Variants in NXPE4 observed in about 807,000 individuals in gnomAD.
NXPE4 encodes the protein neurexophilin and PC-esterase domain family member 4, also known as NXPE family member 4.
NXPE4 carries 42 observed loss-of-function variants against 33.3 expected under a neutral mutation model. The observed-to-expected ratio is 1.26, with a 90% confidence interval of 0.98 to 1.63. The LOEUF (loss-of-function observed/expected upper bound fraction) is 1.63, where lower values mean the gene tolerates loss of function less well. NXPE4 is among the 40% of genes most tolerant of loss of function. NXPE4 has a pLI of 0.00. For synonymous variants in NXPE4, 253 were observed against 234.9 expected (o/e 1.08, Z -0.71); for missense variants, 709 against 647.6 (o/e 1.09, Z -1.03).
the NXPE4 span, among the ~76,000 whole-genome samples, chr11:114,639,844 A>AAAATATAATATATATTAAAT: frequency 9.1e-6 from 1 of 110,490 alleles, no homozygotes; most frequent in South Asian, 2.6e-4. Context: ...TATTAAATAT[A>AAAATATAATATATATTAAAT]AAATATAATA....
chr11:114,620,737 C>T, the NXPE4 span, among the ~76,000 whole-genome samples: 1 of 152,006 alleles, frequency 6.6e-6, no homozygotes, highest in African/African-American at 2.4e-5. Flanking sequence ...ACCACAGTTA[C>T]CCGATGTATA....
the NXPE4 span, among the ~76,000 whole-genome samples, chr11:114,639,459 G>A: frequency 1.3e-5 from 2 of 151,468 alleles, no homozygotes; most frequent in African/African-American, 2.4e-5. Flanking sequence ...GCTCATGCAC[G>A]CTGCGCTGCC....
At chr11:114,661,850 A>G in the NXPE4 span, among the ~76,000 whole-genome samples, 2 of 152,206 alleles carry the variant, frequency 1.3e-5, no homozygotes, top group Non-Finnish European at 1.5e-5. Flanking sequence ...AAAAAAATTA[A>G]GATTCTCTGT....
At chr11:114,589,204 G>A (rs943924274) in intron 2 of NXPE4, among the ~76,000 whole-genome samples, 7 of 152,276 alleles carry the variant, frequency 4.6e-5, no homozygotes, top group Middle Eastern at 3.4e-3. Flanking sequence ...TGCCCCCAGA[G>A]ATGAAGGTCA....
chr11:114,660,109 G>A, the NXPE4 span, among the ~76,000 whole-genome samples: 4 of 152,132 alleles, frequency 2.6e-5, no homozygotes, highest in African/African-American at 9.6e-5. Flanking sequence ...TAGATAACCT[G>A]AAAATTCTAT....
At chr11:114,573,227 A>G (rs988094426) in intron 5 of NXPE4, among the ~76,000 whole-genome samples, 74 of 152,176 alleles carry the variant, frequency 4.9e-4, no homozygotes, top group African/African-American at 1.7e-3. Context: ...GAAGCAAGTT[A>G]TCAAAGCACA....
At chr11:114,676,897 T>C in the NXPE4 span, among the ~76,000 whole-genome samples, 42 of 151,976 alleles carry the variant, frequency 2.8e-4, no homozygotes, top group Admixed American at 4.6e-4. Context: ...AATTGTGTCA[T>C]ATATACACAT....
In NXPE4 at chr11:114,582,511, T is replaced by A. The variant is rs1260014580; in HGVS notation, c.607A>T (p.Ile203Phe). 5.0e-6 allele frequency: 8 copies of A among 1,613,994 alleles called. No homozygotes were observed. Among genetic ancestry groups the A allele is most frequent in the Non-Finnish European group, 6.8e-6 (8 of 1,179,998 alleles). The stretch of plus-strand genomic sequence containing the variant: ...CCATTGACAAACTGGCCAGTGAAGA[T>A]CACCCTGTCATAGCCTTGGTTCCTT... ...SARNQGYDRV[I>F]FTGQFVNGTS... The change falls in exon 3 of 6, where the codon ATC becomes TTC. Residue 203 changes from isoleucine to phenylalanine, a missense_variant. Coordinates refer to ENST00000375478, the MANE Select transcript of NXPE4 (RefSeq NM_001077639.2).
chr11:114,612,959 A>G, the NXPE4 span, among the ~76,000 whole-genome samples: 1 of 151,946 alleles, frequency 6.6e-6, no homozygotes, highest in Non-Finnish European at 1.5e-5. Context: ...CCTGCTGGAT[A>G]ATAATTGTTG....
chr11:114,616,661 C>G, the NXPE4 span, among the ~76,000 whole-genome samples: 1 of 151,718 alleles, frequency 6.6e-6, no homozygotes, highest in Non-Finnish European at 1.5e-5. Context: ...TGGGTAACCA[C>G]TGTTACCCGT....
chr11:114,592,733 G>A (rs1239806122), intron 2 of NXPE4, among the ~76,000 whole-genome samples: 2 of 152,078 alleles, frequency 1.3e-5, no homozygotes, highest in Admixed American at 1.3e-4. Context: ...GCAATTCTGA[G>A]CAAAAAGAAC....
At chr11:114,651,376 G>A in the NXPE4 span, among the ~76,000 whole-genome samples, 14 of 152,166 alleles carry the variant, frequency 9.2e-5, no homozygotes, top group South Asian at 4.2e-4. Context: ...TGGTGGGTTC[G>A]TGGTCTCGTG....
the NXPE4 span, among the ~76,000 whole-genome samples, chr11:114,618,727 G>C: frequency 6.6e-6 from 1 of 152,186 alleles, no homozygotes; most frequent in African/African-American, 2.4e-5. Flanking sequence ...TTCTTACCCT[G>C]TGGAAAATAA....
At chr11:114,595,255 G>T (rs1266415289) in intron 1 of NXPE4, among the ~76,000 whole-genome samples, 1 of 151,846 alleles carries the variant, frequency 6.6e-6, no homozygotes, top group Non-Finnish European at 1.5e-5. Context: ...GTTTTAGCAG[G>T]CTTTCTAGCA....
chr11:114,636,174 T>G, the NXPE4 span, among the ~76,000 whole-genome samples: 2 of 152,018 alleles, frequency 1.3e-5, no homozygotes, highest in Admixed American at 1.3e-4. Flanking sequence ...ATTCAACTTC[T>G]TCCTGGTTTA....
the NXPE4 span, among the ~76,000 whole-genome samples, chr11:114,635,601 T>G: frequency 6.6e-6 from 1 of 151,970 alleles, no homozygotes; most frequent in African/African-American, 2.4e-5. Flanking sequence ...GGCTGTGGGT[T>G]TGTCATAGAT....
At chr11:114,600,997 GA>G in the NXPE4 span, among the ~76,000 whole-genome samples, 19 of 151,840 alleles carry the variant, frequency 1.3e-4, no homozygotes, top group African/African-American at 4.6e-4. Flanking sequence ...CCATCATTTC[GA>G]ACAGGTTGAT....
At chr11:114,618,602 T>C in the NXPE4 span, among the ~76,000 whole-genome samples, 1 of 152,068 alleles carries the variant, frequency 6.6e-6, no homozygotes, top group African/African-American at 2.4e-5. Context: ...TGTTACCCTG[T>C]GGATAATAAG....
chr11:114,612,832 T>G, the NXPE4 span, among the ~76,000 whole-genome samples: 33 of 151,948 alleles, frequency 2.2e-4, no homozygotes, highest in African/African-American at 6.8e-4. Flanking sequence ...ACCCAGAGGA[T>G]AGTAAGTATT....
Sources: allele counts gnomAD v4.1 joint callset (sites outside exome capture counted in the v4.1 genomes callset), GRCh38; gene constraint gnomAD v4.1.1; transcripts MANE v1.5; gene names NCBI Gene and HGNC (gene_info 2026-07-23, HGNC 2026-07-21).